The following CARMIL1 variants were observed in gnomAD, a reference collection of about 807,000 sequenced individuals.
CARMIL1 encodes the protein F-actin-uncapping protein LRRC16A.
In CARMIL1, 90 loss-of-function variants were observed where a neutral mutation model predicts 177.1. That is an observed-to-expected ratio of 0.51 (90% CI 0.43 to 0.61). The LOEUF is 0.61. CARMIL1 is among the 20% of genes least tolerant of loss of function. The pLI is 0.00. For missense variants in CARMIL1, 1,380 were observed against 1,667.0 expected (o/e 0.83, Z 3.00); for synonymous variants, 577 against 606.2 (o/e 0.95, Z 0.71).
chr6:25,485,769 C>A (rs1802582777), intron 12 of CARMIL1, among the ~76,000 whole-genome samples: 1 of 152,122 alleles, frequency 6.6e-6, no homozygotes, highest in Non-Finnish European at 1.5e-5. Flanking sequence ...ACAAAAATAT[C>A]TTGAAATGTT....
At chr6:25,284,601 C>T (rs371245774) in intron 1 of CARMIL1, among the ~76,000 whole-genome samples, 1 of 152,072 alleles carries the variant, frequency 6.6e-6, no homozygotes, top group East Asian at 1.9e-4. Flanking sequence ...CTCAGCTGTT[C>T]GGGAAGCTGA....
In CARMIL1 at chr6:25,349,949, G is replaced by T. The variant is rs1393839474; in HGVS notation, c.138+65040G>T. On this transcript the variant is annotated intron_variant, in intron 2 of 36. Transcript: ENST00000329474. ...TCACCATGTTGGCCAAGATGGTCTC[G>T]ATCTCCTGACCTCGTGATCCGCCCG... Among the ~76,000 whole-genome samples the T allele has an allele frequency of 1.4e-4, 22 of 151,928 alleles. 2 individuals carry two copies. The highest frequency in any genetic ancestry group is 1.4e-3 in the Admixed American group (22 of 15,254).
At chr6:25,594,393 A>G (rs780824899) in intron 31 of CARMIL1, 22 bp from the exon 32 acceptor site, 1 of 1,455,152 alleles carries the variant, frequency 6.9e-7, no homozygotes, top group East Asian at 2.3e-5. Flanking sequence ...GTGAATTAAC[A>G]TTACATCTGT....
chr6:25,286,416 C>T (rs1350898745), intron 2 of CARMIL1, among the ~76,000 whole-genome samples: 1 of 152,174 alleles, frequency 6.6e-6, no homozygotes, highest in Non-Finnish European at 1.5e-5. Context: ...TTTTGCCCAG[C>T]AACAAAATGT....
intron 1 of CARMIL1, among the ~76,000 whole-genome samples, chr6:25,282,254 T>C (rs1426958481): frequency 1.3e-5 from 2 of 152,206 alleles, no homozygotes; most frequent in African/African-American, 4.8e-5. Context: ...TTTTCCAGTC[T>C]GTTTCCATGT....
At chr6:25,537,778 C>G in intron 24 of CARMIL1, 77 bp from the exon 25 acceptor site, 1 of 1,553,554 alleles carries the variant, frequency 6.4e-7, no homozygotes, top group Middle Eastern at 1.7e-4. Flanking sequence ...TTTTCATACT[C>G]CTTCGTTCTG....
chr6:25,546,474 A>G (rs1809478211), intron 26 of CARMIL1, among the ~76,000 whole-genome samples: 1 of 151,744 alleles, frequency 6.6e-6, no homozygotes, highest in Middle Eastern at 3.2e-3. Context: ...CTGAGGCTGG[A>G]AGATCTTTTG....
intron 2 of CARMIL1, among the ~76,000 whole-genome samples, chr6:25,289,903 G>A (rs1162120676): frequency 6.6e-6 from 1 of 152,142 alleles, no homozygotes; most frequent in Non-Finnish European, 1.5e-5. Context: ...ACAGATTTTT[G>A]AGTGAACATA....
chr6:25,478,810 A>AG (rs972735333), intron 11 of CARMIL1, among the ~76,000 whole-genome samples: 1 of 151,366 alleles, frequency 6.6e-6, no homozygotes, highest in Non-Finnish European at 1.5e-5. Context: ...AAAAAAAAAA[A>AG]GGGCATAGAT....
chr6:25,562,743 C>G (rs1811243128), intron 29 of CARMIL1, among the ~76,000 whole-genome samples: 1 of 152,100 alleles, frequency 6.6e-6, no homozygotes, highest in South Asian at 2.1e-4. Context: ...AGCTAAACTC[C>G]TAAGGGAGAA....
At chr6:25,574,638 T>C (rs1380897512) in intron 29 of CARMIL1, among the ~76,000 whole-genome samples, 3 of 152,258 alleles carry the variant, frequency 2.0e-5, no homozygotes, top group Non-Finnish European at 4.4e-5. Context: ...CGTGTATTCA[T>C]GAACAGTGTA....
At chr6:25,549,196 A>G (rs947304559) in intron 26 of CARMIL1, among the ~76,000 whole-genome samples, 1 of 152,236 alleles carries the variant, frequency 6.6e-6, no homozygotes, top group Non-Finnish European at 1.5e-5. Context: ...CAGAAATTTC[A>G]TGTCAGAGTT....
chr6:25,404,329 A>G (rs758996174), intron 2 of CARMIL1, among the ~76,000 whole-genome samples: 5 of 152,208 alleles, frequency 3.3e-5, no homozygotes, highest in Admixed American at 2.0e-4. Flanking sequence ...AGCATTCTCA[A>G]TGGAGGCAAG....
chr6:25,565,196 G>A (rs928802872), intron 29 of CARMIL1, among the ~76,000 whole-genome samples: 40 of 152,222 alleles, frequency 2.6e-4, no homozygotes, highest in Non-Finnish European at 3.7e-4. Flanking sequence ...GAAGGCATGA[G>A]CCTTATCACC....
At chr6:25,585,539 TTTTA>T (rs1391052117) in intron 31 of CARMIL1, among the ~76,000 whole-genome samples, 2 of 152,110 alleles carry the variant, frequency 1.3e-5, no homozygotes, top group African/African-American at 4.8e-5. Context: ...TAACCTATTT[TTTTA>T]TTTATTTTTT....
At chr6:25,387,899 C>T (rs1792341603) in intron 2 of CARMIL1, among the ~76,000 whole-genome samples, 1 of 152,020 alleles carries the variant, frequency 6.6e-6, no homozygotes, top group Non-Finnish European at 1.5e-5. Context: ...GATTTCTTTG[C>T]CTCTAGCTGT....
chr6:25,305,484 A>G (rs1169195458), intron 2 of CARMIL1, among the ~76,000 whole-genome samples: 3 of 152,228 alleles, frequency 2.0e-5, no homozygotes, highest in African/African-American at 7.2e-5. Flanking sequence ...GTTTTCCTGT[A>G]AATACTGTCA....
At chr6:25,520,222 T>C (rs1193353640) in intron 22 of CARMIL1, 22 bp from the exon 23 acceptor site, 1 of 1,117,446 alleles carries the variant, frequency 8.9e-7, no homozygotes, top group African/African-American at 1.6e-5. Flanking sequence ...TAAATAAGTA[T>C]ATTATTTTCT....
chr6:25,494,438 G>T (rs17252870), intron 15 of CARMIL1, among the ~76,000 whole-genome samples: 20,877 of 152,102 alleles, frequency 0.14, 1,896 homozygotes, highest in South Asian at 0.23. Context: ...TTATCATATA[G>T]TGTTGATGCT....
Sources: allele counts gnomAD v4.1 joint callset (sites outside exome capture counted in the v4.1 genomes callset), GRCh38; gene constraint gnomAD v4.1.1; transcripts MANE v1.5; gene names NCBI Gene and HGNC (gene_info 2026-07-23, HGNC 2026-07-21).